The following ZMAT4 variants were observed in gnomAD, a reference collection of about 807,000 sequenced individuals.
ZMAT4 encodes zinc finger matrin-type 4.
A neutral mutation model predicts 28.7 loss-of-function variants in ZMAT4; 17 were observed. The ratio of observed to expected loss-of-function variants is 0.59; its 90% confidence interval spans 0.41 to 0.89. The LOEUF is 0.89. ZMAT4 is among the 40% of genes least tolerant of loss of function. The pLI is 0.00. For missense variants in ZMAT4, 240 were observed against 283.8 expected, an observed-to-expected ratio of 0.85 and a Z score of 1.11; for synonymous variants, 117 against 109.2, an observed-to-expected ratio of 1.07 and a Z score of -0.44.
intron 3 of ZMAT4, among the ~76,000 whole-genome samples, chr8:40,760,620 G>A (rs1320877808): frequency 1.3e-5 from 2 of 151,714 alleles, no homozygotes; most frequent in Non-Finnish European, 2.9e-5. Context: ...ACTCTGAATG[G>A]TTCTTGCTTC....
chr8:40,671,516 A>T (rs1374136765), intron 5 of ZMAT4, among the ~76,000 whole-genome samples: 1 of 152,226 alleles, frequency 6.6e-6, no homozygotes, highest in East Asian at 1.9e-4. Flanking sequence ...ATATGCTATA[A>T]ATGGATAAAT....
At chr8:40,861,044 ACT>A (rs1280254461) in intron 1 of ZMAT4, among the ~76,000 whole-genome samples, 1 of 152,002 alleles carries the variant, frequency 6.6e-6, no homozygotes, top group African/African-American at 2.4e-5. Flanking sequence ...AGCTTCTGAC[ACT>A]CTCTTACAGT....
intron 4 of ZMAT4, among the ~76,000 whole-genome samples, chr8:40,691,404 CAAAAA>C (rs10581532): frequency 7.3e-6 from 1 of 137,748 alleles, no homozygotes; most frequent in Admixed American, 7.1e-5. Flanking sequence ...AAATAGACTG[CAAAAA>C]AAAAAAAAAA....
chr8:40,662,740 T>C (rs148387604), intron 5 of ZMAT4, among the ~76,000 whole-genome samples: 1 of 152,194 alleles, frequency 6.6e-6, no homozygotes, highest in Admixed American at 6.5e-5. Flanking sequence ...ATTACTCATG[T>C]TACTCATTAC....
At chr8:40,858,921 C>A (rs1817393991) in intron 1 of ZMAT4, among the ~76,000 whole-genome samples, 1 of 152,198 alleles carries the variant, frequency 6.6e-6, no homozygotes, top group African/African-American at 2.4e-5. Context: ...GCCATGTTTA[C>A]GATCCATGGT....
At chr8:40,800,859 T>A (rs1008627492) in intron 2 of ZMAT4, among the ~76,000 whole-genome samples, 23 of 151,920 alleles carry the variant, frequency 1.5e-4, no homozygotes, top group South Asian at 8.3e-4. Flanking sequence ...AAGAAAAAAA[T>A]TAAATTCAAA....
chr8:40,633,483 G>A (rs1806673844), intron 5 of ZMAT4, among the ~76,000 whole-genome samples: 1 of 152,198 alleles, frequency 6.6e-6, no homozygotes, highest in African/African-American at 2.4e-5. Flanking sequence ...GACAAGGGGT[G>A]ACCAGAAGAT....
intron 3 of ZMAT4, among the ~76,000 whole-genome samples, chr8:40,719,753 TA>T (rs1811002230): frequency 6.6e-6 from 1 of 152,132 alleles, no homozygotes; most frequent in African/African-American, 2.4e-5. Context: ...TATTTTTTAG[TA>T]GAGATGAGGT....
At chr8:40,801,365 T>TATAC (rs1814837034) in intron 2 of ZMAT4, among the ~76,000 whole-genome samples, 1 of 144,374 alleles carries the variant, frequency 6.9e-6, no homozygotes, top group African/African-American at 2.6e-5. Context: ...TATATATATA[T>TATAC]ATATATACAT....
intron 2 of ZMAT4, among the ~76,000 whole-genome samples, chr8:40,801,351 A>AAAAAATATAT (rs370796453): frequency 1.0e-5 from 1 of 97,258 alleles, no homozygotes; most frequent in African/African-American, 3.7e-5. Flanking sequence ...TAAAAAAAAA[A>AAAAAATATAT]ATATATATAT....
intron 1 of ZMAT4, among the ~76,000 whole-genome samples, chr8:40,827,747 C>A (rs536940661): frequency 6.6e-6 from 1 of 152,328 alleles, no homozygotes; most frequent in South Asian, 2.1e-4. Context: ...GCAGGTGGCC[C>A]AATTGGCCTG....
chr8:40,799,125 A>G (rs1036573750), intron 2 of ZMAT4, among the ~76,000 whole-genome samples: 1 of 143,464 alleles, frequency 7.0e-6, no homozygotes, highest in African/African-American at 2.6e-5. Flanking sequence ...AGAGAGAGAC[A>G]GAGAGAAGGA....
chr8:40,622,065 G>C (rs1370458496), intron 5 of ZMAT4, among the ~76,000 whole-genome samples: 1 of 152,132 alleles, frequency 6.6e-6, no homozygotes, highest in Non-Finnish European at 1.5e-5. Flanking sequence ...TCAATTCCAA[G>C]TATTTTACAT....
intron 2 of ZMAT4, among the ~76,000 whole-genome samples, chr8:40,813,586 A>G (rs1047455726): frequency 6.6e-6 from 1 of 152,268 alleles, no homozygotes; most frequent in Admixed American, 6.5e-5. Context: ...GGGTCTTTAA[A>G]GCAAGTGACG....
intron 1 of ZMAT4, among the ~76,000 whole-genome samples, chr8:40,830,208 C>T (rs1445623898): frequency 6.6e-6 from 1 of 152,134 alleles, no homozygotes; most frequent in African/African-American, 2.4e-5. Context: ...ATTTTAGGTT[C>T]AGGGGGTACA....
chr8:40,687,073 A>T (rs552935112), intron 4 of ZMAT4, among the ~76,000 whole-genome samples: 5 of 152,284 alleles, frequency 3.3e-5, no homozygotes, highest in South Asian at 2.1e-4. Context: ...GCAGTCAGAG[A>T]TTCCTTCAAA....
intron 6 of ZMAT4, among the ~76,000 whole-genome samples, chr8:40,534,161 T>C (rs1802776852): frequency 6.6e-6 from 1 of 152,222 alleles, no homozygotes; most frequent in African/African-American, 2.4e-5. Context: ...ATTCTTCCTT[T>C]TTATAGTCAT....
Position 40,587,996 on chromosome 8 carries a change from C to T in ZMAT4, c.578-6735G>A, listed in dbSNP as rs147082379. On this transcript the variant is annotated intron_variant, in intron 5 of 6. Coordinates refer to ENST00000297737, the MANE Select transcript of ZMAT4 (RefSeq NM_024645.3). ...TAGATGTCATGACAAGATGTTTTTA[C>T]CAGAGATTAAGAAAATATTTTATAA... Among the ~76,000 whole-genome samples the T allele has an allele frequency of 2.1e-3, 312 of 151,878 alleles. 1 individual carries two copies. The highest frequency in any genetic ancestry group is 7.0e-3 in the African/African-American group (291 of 41,484).
chr8:40,687,417 T>C (rs1215393023), intron 4 of ZMAT4, among the ~76,000 whole-genome samples: 1 of 151,986 alleles, frequency 6.6e-6, no homozygotes. Flanking sequence ...TAATACCTGA[T>C]GGGGGAGGGA....
Sources: allele counts gnomAD v4.1 joint callset (sites outside exome capture counted in the v4.1 genomes callset), GRCh38; gene constraint gnomAD v4.1.1; transcripts MANE v1.5; gene names NCBI Gene and HGNC (gene_info 2026-07-23, HGNC 2026-07-21).